CDX2: variants seen among roughly 807,000 people sequenced by gnomAD.
The protein encoded by CDX2 is homeobox protein CDX-2.
Under a neutral mutation model 25.5 loss-of-function variants are expected in CDX2, and 7 were observed. The ratio of observed to expected loss-of-function variants is 0.27; its 90% confidence interval spans 0.16 to 0.52. The LOEUF is 0.52. Among genes scored for constraint, CDX2 ranks in the 20% least tolerant of loss-of-function variants. The pLI is 0.97. For missense variants in CDX2, 375 were observed against 431.4 expected, an observed-to-expected ratio of 0.87 and a Z score of 1.16; for synonymous variants, 222 against 198.6, an observed-to-expected ratio of 1.12 and a Z score of -0.99.
At chr13:27,966,865 C>A (rs1049941016) in intron 1 of CDX2, among the ~76,000 whole-genome samples, 1 of 152,154 alleles carries the variant, frequency 6.6e-6, no homozygotes, top group African/African-American at 2.4e-5. Flanking sequence ...CGCGTCCCCC[C>A]CTCCACCCCC....
chr13:27,965,183 G>C (rs571463392), intron 1 of CDX2, among the ~76,000 whole-genome samples, 168 bp from the exon 2 acceptor site: 2 of 137,484 alleles, frequency 1.5e-5, no homozygotes, highest in African/African-American at 7.2e-5. Context: ...AGGGTCCTGT[G>C]GGGGGAGGGT....
Position 27,961,343 on chromosome 13 carries a change from G to C in CDX2, c.*1772C>G, listed in dbSNP as rs563930677. Among the ~76,000 whole-genome samples the C allele has an allele frequency of 1.8e-4, 28 of 152,372 alleles. No homozygotes were observed. The highest frequency in any genetic ancestry group is 6.0e-4 in the African/African-American group (25 of 41,592). ...GCGCCTCCGTGGGCGCGCTGATTAG[G>C]CTCTCGGATGTTGGTGGGAAGATCG... On this transcript the variant is annotated 3_prime_UTR_variant, in exon 3 of 3. Transcript: ENST00000381020.
At chr13:27,965,635 C>A (rs1869280881) in intron 1 of CDX2, among the ~76,000 whole-genome samples, 1 of 152,246 alleles carries the variant, frequency 6.6e-6, no homozygotes, top group Admixed American at 6.5e-5. Context: ...TATACCTGCC[C>A]AGACCAGGTT....
chr13:27,968,130 G>A (rs532859800), intron 1 of CDX2, among the ~76,000 whole-genome samples: 3 of 152,350 alleles, frequency 2.0e-5, no homozygotes, highest in South Asian at 4.1e-4. Flanking sequence ...AGCAAGTGCC[G>A]GAGGACGCGA....
intron 1 of CDX2, among the ~76,000 whole-genome samples, chr13:27,966,476 G>A (rs1478586813): frequency 6.6e-6 from 1 of 152,232 alleles, no homozygotes; most frequent in Non-Finnish European, 1.5e-5. Flanking sequence ...TATCAGGCGG[G>A]GTTGGCACCG....
chr13:27,967,256 C>T (rs1167557269), intron 1 of CDX2: 1 of 503,766 alleles, frequency 2.0e-6, no homozygotes, highest in South Asian at 1.5e-5. Flanking sequence ...CTGAGGCTCA[C>T]CCGAGGCTGA....
chr13:27,968,924 G>T lies in CDX2; in HGVS notation c.83C>A (p.Pro28Gln), dbSNP rs781197054. 3 of 1,608,810 alleles carry T rather than the reference G, an allele frequency of 1.9e-6. No homozygotes were observed. The highest frequency in any genetic ancestry group is 2.5e-6 in the Non-Finnish European group (3 of 1,178,940). The change falls in exon 1 of 3, where the codon CCG becomes CAG. Residue 28 changes from proline to glutamine, a missense_variant. Coordinates refer to ENST00000381020, the MANE Select transcript of CDX2 (RefSeq NM_001265.6). ...VRHSGGLNLA[P>Q]QNFVSPPQYP... ...CTGCGGGGGGCTGACGAAGTTCTGCGGCGCCAGGTTGAGGCCGCCAGAGTG... is the reference window on the plus strand; with the variant it reads ...CTGCGGGGGGCTGACGAAGTTCTGCTGCGCCAGGTTGAGGCCGCCAGAGTG...
intron 1 of CDX2, among the ~76,000 whole-genome samples, chr13:27,968,228 AG>A (rs1181903440): frequency 6.6e-6 from 1 of 152,230 alleles, no homozygotes; most frequent in East Asian, 1.9e-4. Flanking sequence ...GCTCTTGGAA[AG>A]AGGACGCCTG....
intron 1 of CDX2, among the ~76,000 whole-genome samples, chr13:27,967,735 T>C (rs568282885): frequency 2.0e-3 from 300 of 152,258 alleles, no homozygotes; most frequent in African/African-American, 7.1e-3. Context: ...TTCCTCCCCG[T>C]CTCCCTGCTC....
At chr13:27,967,904 G>C (rs1006692871) in intron 1 of CDX2, among the ~76,000 whole-genome samples, 1 of 152,108 alleles carries the variant, frequency 6.6e-6, no homozygotes, top group South Asian at 2.1e-4. Flanking sequence ...GCTCTCCCTG[G>C]TCTGCCTGCT....
rs1015620113 is a variant in CDX2, at chr13:27,961,325, C to T, written c.*1790G>A. 1.3e-5 allele frequency among the ~76,000 whole-genome samples: 2 copies of T among 152,142 alleles called. No homozygotes were observed. Among genetic ancestry groups the T allele is most frequent in the Non-Finnish European group, 2.9e-5 (2 of 68,026 alleles). ...TCCCCAACTGCCCTTAAGGCGCCTC[C>T]GTGGGCGCGCTGATTAGGCTCTCGG... On this transcript the variant is annotated 3_prime_UTR_variant, in exon 3 of 3. Coordinates refer to ENST00000381020, the MANE Select transcript of CDX2 (RefSeq NM_001265.6).
In CDX2 at chr13:27,960,948, C is replaced by A. The variant is rs866598667; in HGVS notation, c.*2167G>T. 6.6e-6 allele frequency among the ~76,000 whole-genome samples: 1 copy of A among 152,242 alleles called. No individual in the cohort carries two copies. Among genetic ancestry groups the A allele is most frequent in the Non-Finnish European group, 1.5e-5 (1 of 68,038 alleles). On this transcript the variant is annotated 3_prime_UTR_variant, in exon 3 of 3. Transcript: ENST00000381020. ...TGTCCAAACAGGGTTTATTGACAGG[C>A]GTTTCACGGCAACGCATAGCAACCC... is the stretch of plus-strand genomic sequence containing the variant.
In CDX2 at chr13:27,964,573, T is replaced by C. The variant is rs913753795; in HGVS notation, c.687+297A>G. ...TTAAACATTAGCCAGTCATGGTGGCTCGAGCCTGTAGTCCAAGCTACTCAG... is the reference window on the plus strand; with the variant it reads ...TTAAACATTAGCCAGTCATGGTGGCCCGAGCCTGTAGTCCAAGCTACTCAG... On this transcript the variant is annotated intron_variant, in intron 2 of 2. Transcript: ENST00000381020. This position sits in a 1 kb window ranked among gnomAD's most constrained non-coding sequence, Gnocchi z 4.7. 6.6e-6 allele frequency among the ~76,000 whole-genome samples: 1 copy of C among 151,784 alleles called. No individual in the cohort carries two copies. Among genetic ancestry groups the C allele is most frequent in the Non-Finnish European group, 1.5e-5 (1 of 67,952 alleles).
rs760152351 is a variant in CDX2 at position 27,968,765 on chromosome 13, G to T, written c.242C>A (p.Ala81Glu). ...GGCGGCGGCCGCGGCGCCTCCGGGCGCGTAGCCATTCCAGTCCTCCCGGAG... is the reference window on the plus strand; with the variant it reads ...GGCGGCGGCCGCGGCGCCTCCGGGCTCGTAGCCATTCCAGTCCTCCCGGAG... Reference protein sequence around the residue: ...APLREDWNGYAPGGAAAAANA... With the variant: ...APLREDWNGYEPGGAAAAANA... Residue 81 changes from alanine (A) to glutamate (E), a missense_variant, in exon 1 of 3, where the codon GCG (alanine) becomes GAG (glutamate). Ala to Glu is a moderately radical substitution (Grantham distance 107). Transcript: ENST00000381020. 2 of 1,506,724 alleles carry T rather than the reference G, an allele frequency of 1.3e-6. No individual in the cohort carries two copies. The highest frequency in any genetic ancestry group is 1.8e-6 in the Non-Finnish European group (2 of 1,134,316). 93.3% of individuals were successfully genotyped at this position (1,506,724 alleles called of 1,614,324 possible).
chr13:27,962,928 G>T lies in CDX2; in HGVS notation c.*187C>A. 1.6e-6 allele frequency: 1 copy of T among 628,960 alleles called. No individual in the cohort carries two copies. Among genetic ancestry groups the T allele is most frequent in the Non-Finnish European group, 2.4e-6 (1 of 409,806 alleles). 39.0% of individuals were successfully genotyped at this position (628,960 alleles called of 1,614,324 possible). A position where few individuals can be genotyped will look rare whatever the true frequency, so the allele number is the denominator to read the frequency against. ...GATGGGAAAAAGTAAAAATCTGGGA[G>T]AGTATATTTCTTGAGGCCCCAAATC... is the stretch of plus-strand genomic sequence containing the variant. On this transcript the variant is annotated 3_prime_UTR_variant, in exon 3 of 3. Transcript: ENST00000381020.
At chr13:27,968,150 C>T (rs1159034693) in intron 1 of CDX2, among the ~76,000 whole-genome samples, 1 of 152,234 alleles carries the variant, frequency 6.6e-6, no homozygotes, top group Non-Finnish European at 1.5e-5. Flanking sequence ...ATTCTGCCGG[C>T]GTCCAGCAGT....
At position 27,963,179 on chromosome 13, in the gene CDX2, G is replaced by T. The variant is rs751918148; in HGVS notation, c.878C>A (p.Pro293His). ...CCCCAGAACCCCAGGGACAGAGCCA[G>T]GCACTGAGGCTTGCAGGGAAGACAC... ...SPVSSLQASV[P>H]GSVPGVLGPT... is the part of the protein sequence containing the mutation. Residue 293 changes from proline (P) to histidine (H), a missense_variant, in exon 3 of 3, where the codon CCT becomes CAT. Around this residue, in one of 3 missense-constraint regions of CDX2, gnomAD observed 58 missense variants for 59.4 expected, o/e 0.98. Coordinates refer to ENST00000381020, the MANE Select transcript of CDX2 (RefSeq NM_001265.6). The T allele has an allele frequency of 6.2e-7, 1 of 1,614,200 alleles. No homozygotes were observed. The highest frequency in any genetic ancestry group is 8.5e-7 in the Non-Finnish European group (1 of 1,180,018).
rs1368311836 is a variant in CDX2, at chr13:27,962,387, T to G, written c.*728A>C. ...GGAAGTCCAGGTTGGCTCTGGCATT[T>G]ATAGCACTGACATACATTCAGCCCA... On this transcript the variant is annotated 3_prime_UTR_variant, in exon 3 of 3. Coordinates refer to ENST00000381020, the MANE Select transcript of CDX2 (RefSeq NM_001265.6). 1.3e-5 allele frequency: 3 copies of G among 232,746 alleles called. No homozygotes were observed. The highest frequency in any genetic ancestry group is 6.6e-5 in the African/African-American group (3 of 45,266). The allele number at this position is 232,746 out of a possible 1,614,324, so 14.4% of individuals were successfully genotyped here.
Position 27,962,398 on chromosome 13 carries a change from C to CGTAT in CDX2, c.*716_*717insATAC, listed in dbSNP as rs1228792741. On this transcript the variant is annotated 3_prime_UTR_variant, in exon 3 of 3. Transcript: ENST00000381020. Reference sequence around the variant, plus strand: ...TTGGCTCTGGCATTTATAGCACTGACATACATTCAGCCCAGAGAAGCTCTG... The same window carrying CGTAT: ...TTGGCTCTGGCATTTATAGCACTGACGTATATACATTCAGCCCAGAGAAGCTCTG... 4.7e-5 allele frequency: 11 copies of CGTAT among 232,414 alleles called. No individual in the cohort carries two copies. The allele number at this position is 232,414 out of a possible 1,614,324, so 14.4% of individuals were successfully genotyped here.
Sources: allele counts gnomAD v4.1 joint callset (sites outside exome capture counted in the v4.1 genomes callset), GRCh38; gene constraint gnomAD v4.1.1; regional missense constraint gnomAD v4.1.1; non-coding constraint Gnocchi (gnomAD v3.1); transcripts MANE v1.5; gene names NCBI Gene and HGNC (gene_info 2026-07-23, HGNC 2026-07-21).